Variants in PACSIN2 observed in about 807,000 individuals in gnomAD.
PACSIN2 encodes protein kinase C and casein kinase substrate in neurons protein 2.
PACSIN2 carries 25 observed loss-of-function variants against 63.8 expected under a neutral mutation model. The ratio of observed to expected loss-of-function variants is 0.39; its 90% CI spans 0.29 to 0.55. The LOEUF is 0.55. Ranked by LOEUF, PACSIN2 falls within the 20% of genes least tolerant of loss-of-function variation. PACSIN2 has a pLI of 0.62. For synonymous variants in PACSIN2, 255 were observed against 256.2 expected (o/e 1.00, Z 0.05); for missense variants, 518 against 646.9 (o/e 0.80, Z 2.16).
intron 1 of PACSIN2, among the ~76,000 whole-genome samples, chr22:42,984,169 G>A (rs146383299): frequency 2.6e-5 from 4 of 151,610 alleles, no homozygotes; most frequent in East Asian, 3.9e-4. Context: ...ACGGAGTTTC[G>A]CCATGTTGCT....
At chr22:42,879,320 G>A (rs1015057046) in intron 7 of PACSIN2, 151 bp from the exon 8 acceptor site, 11 of 793,808 alleles carry the variant, frequency 1.4e-5, no homozygotes, top group African/African-American at 1.1e-4. Context: ...TTTCCCAGAA[G>A]ACCTCAGGCT....
chr22:42,871,417 TC>T lies in PACSIN2; in HGVS notation c.1400del (p.Gly467AspfsTer115). The T allele has an allele frequency of 6.2e-7, 1 of 1,614,156 alleles. No individual in the cohort carries two copies. The highest frequency in any genetic ancestry group is 8.5e-7 in the Non-Finnish European group (1 of 1,180,010). ...GGCCAACTTGCCCGTTGTCCAAGCG[TC>T]CCTTGCACCAGCCCTGCTCATCCTC... Reference protein sequence around the residue: ...EDEDEQGWCKGRLDNGQVGLY... With the variant: ...EDEDEQGWCKXRLDNGQVGLY... On this transcript the variant is annotated frameshift_variant, in exon 11 of 11. Transcript: ENST00000263246. LOFTEE classifies it high-confidence loss of function. This position sits in a 1 kb window ranked among gnomAD's most constrained non-coding sequence, Gnocchi z 5.4.
At chr22:42,982,033 G>A (rs1390502662) in intron 1 of PACSIN2, among the ~76,000 whole-genome samples, 34 of 104,110 alleles carry the variant, frequency 3.3e-4, no homozygotes, top group African/African-American at 1.3e-3. Context: ...CGGCCGCCCC[G>A]TCCGGGAGGT....
chr22:42,975,362 T>C (rs572912901), intron 1 of PACSIN2, among the ~76,000 whole-genome samples: 8 of 151,824 alleles, frequency 5.3e-5, no homozygotes, highest in African/African-American at 1.7e-4. Context: ...CTCATGCCTA[T>C]AATCCCAGCA....
At chr22:42,997,758 A>G (rs573293433) in intron 1 of PACSIN2, among the ~76,000 whole-genome samples, 25 of 150,950 alleles carry the variant, frequency 1.7e-4, no homozygotes, top group African/African-American at 6.1e-4. Flanking sequence ...GGTCCCAGCT[A>G]TTACTTCACT....
chr22:42,952,620 G>T (rs1363431331), intron 1 of PACSIN2, among the ~76,000 whole-genome samples: 1 of 150,486 alleles, frequency 6.6e-6, no homozygotes, highest in African/African-American at 2.4e-5. Context: ...GCCTCCCAAA[G>T]TGCTGGGATT....
intron 2 of PACSIN2, among the ~76,000 whole-genome samples, chr22:42,899,027 G>A (rs560526582): frequency 3.3e-5 from 5 of 152,270 alleles, no homozygotes; most frequent in Admixed American, 2.0e-4. Flanking sequence ...TCACAAGGAC[G>A]CTGGAGAAGG....
chr22:42,975,961 G>A (rs1314963936), intron 1 of PACSIN2, among the ~76,000 whole-genome samples: 1 of 152,178 alleles, frequency 6.6e-6, no homozygotes, highest in Non-Finnish European at 1.5e-5. Context: ...CCAAAAGCGG[G>A]CCAATGCTGA....
In PACSIN2 at chr22:42,871,182, G is replaced by A. The variant is rs1221456983; in HGVS notation, c.*175C>T. On this transcript the variant is annotated 3_prime_UTR_variant, in exon 11 of 11. Transcript: ENST00000263246. The surrounding 1 kb of genome is among the most constrained non-coding windows in gnomAD (Gnocchi z 5.4). ...CGCTCAGATCCCTCCAGCTGCACTC[G>A]GAAAGGTGCCGAGTCCCAGGCGAAA... The A allele has an allele frequency of 4.9e-6, 3 of 618,010 alleles. No homozygotes were observed. Among genetic ancestry groups the A allele is most frequent in the Non-Finnish European group, 8.8e-6 (3 of 342,008 alleles). The allele number at this position is 618,010 out of a possible 1,614,324, so 38.3% of individuals were successfully genotyped here.
chr22:42,941,201 C>T (rs1451321265), intron 1 of PACSIN2, among the ~76,000 whole-genome samples: 1 of 136,148 alleles, frequency 7.3e-6, no homozygotes, highest in Non-Finnish European at 1.6e-5. Flanking sequence ...GTTCAAGGTT[C>T]GTCCACGTTG....
In PACSIN2 at chr22:42,884,519, C is replaced by A; in HGVS notation, c.652G>T (p.Gly218Cys). 1.2e-6 allele frequency: 2 copies of A among 1,614,120 alleles called. No individual in the cohort carries two copies. Among genetic ancestry groups the A allele is most frequent in the Non-Finnish European group, 1.7e-6 (2 of 1,179,994 alleles). Reference sequence around the variant, plus strand: ...ATGTTCTCCATGTACTGGGGTGTGCCCTGGTCGAGTTCCTTCAGGGACTTC... The same window carrying A: ...ATGTTCTCCATGTACTGGGGTGTGCACTGGTCGAGTTCCTTCAGGGACTTC... ...YEKSLKELDQ[G>C]TPQYMENMEQ... Residue 218 changes from glycine (G) to cysteine (C), a missense_variant, in exon 6 of 11, where the codon GGC (glycine) becomes TGC (cysteine). Coordinates refer to ENST00000263246, the MANE Select transcript of PACSIN2 (RefSeq NM_001184970.3).
chr22:42,973,373 G>A (rs551586309), intron 1 of PACSIN2, among the ~76,000 whole-genome samples: 1 of 152,240 alleles, frequency 6.6e-6, no homozygotes, highest in Admixed American at 6.5e-5. Flanking sequence ...GCAAAACACA[G>A]GTCAAAACTT....
intron 2 of PACSIN2, among the ~76,000 whole-genome samples, chr22:42,898,704 C>T (rs1222735027): frequency 6.6e-6 from 1 of 152,096 alleles, no homozygotes; most frequent in Non-Finnish European, 1.5e-5. Context: ...TCCCCGAGCC[C>T]AGGACTCGCC....
At chr22:42,894,827 C>G (rs1049776931) in intron 2 of PACSIN2, among the ~76,000 whole-genome samples, 1 of 152,194 alleles carries the variant, frequency 6.6e-6, no homozygotes, top group African/African-American at 2.4e-5. Flanking sequence ...TCTTTTCAGC[C>G]TTTTTCTCCC....
intron 2 of PACSIN2, among the ~76,000 whole-genome samples, chr22:42,897,137 G>A (rs1402663298): frequency 3.3e-5 from 5 of 152,076 alleles, no homozygotes; most frequent in East Asian, 1.9e-4. Flanking sequence ...GGGTTTTGCC[G>A]TGTTGCCTAG....
At chr22:42,932,211 T>A (rs1427122502) in intron 1 of PACSIN2, among the ~76,000 whole-genome samples, 1 of 152,196 alleles carries the variant, frequency 6.6e-6, no homozygotes, top group Admixed American at 6.5e-5. Flanking sequence ...CATCCCTGCC[T>A]CAGAGCCTTT....
chr22:42,870,909 A>G lies in PACSIN2; in HGVS notation c.*448T>C, dbSNP rs1286216536. 9 of 173,302 alleles carry G rather than the reference A, an allele frequency of 5.2e-5. No individual in the cohort carries two copies. The highest frequency in any genetic ancestry group is 8.8e-5 in the Non-Finnish European group (7 of 79,544). 10.7% of individuals were successfully genotyped at this position (173,302 alleles called of 1,614,324 possible). A position where few individuals can be genotyped will look rare whatever the true frequency, so the allele number is the denominator to read the frequency against. On this transcript the variant is annotated 3_prime_UTR_variant, in exon 11 of 11. Transcript: ENST00000263246. ...AAGTAGAAATGAACAGGTGTATAAAAAAGTATAACTGTACACAGCCTTTAA... is the reference window on the plus strand; with the variant it reads ...AAGTAGAAATGAACAGGTGTATAAAGAAGTATAACTGTACACAGCCTTTAA...
chr22:42,983,911 T>G (rs1922422685), intron 1 of PACSIN2, among the ~76,000 whole-genome samples: 2 of 151,708 alleles, frequency 1.3e-5, no homozygotes. Context: ...AATAAACTAG[T>G]GTAAACCTGG....
chr22:42,888,669 C>T lies in PACSIN2; in HGVS notation c.583G>A (p.Glu195Lys). The T allele has an allele frequency of 6.2e-7, 1 of 1,614,228 alleles. No homozygotes were observed. Among genetic ancestry groups the T allele is most frequent in the Non-Finnish European group, 8.5e-7 (1 of 1,180,030 alleles). Residue 195 changes from glutamate (E) to lysine (K), a missense_variant, in exon 5 of 11, where the codon GAA (glutamate) becomes AAA (lysine). By Grantham distance (56) the Glu-to-Lys change is moderately conservative. Around this residue, in one of 2 missense-constraint regions of PACSIN2, gnomAD observed 507 missense variants for 612.3 expected, o/e 0.83. Transcript: ENST00000263246. ...TTAAGAACATCTTGCTTGCACTTTT[C>T]TATTTTGTCTTGCAATTTCTTGAGC... Reference protein sequence around the residue: ...EQLKKLQDKIEKCKQDVLKTK... With the variant: ...EQLKKLQDKIKKCKQDVLKTK...
Sources: allele counts gnomAD v4.1 joint callset (sites outside exome capture counted in the v4.1 genomes callset), GRCh38; gene constraint gnomAD v4.1.1; regional missense constraint gnomAD v4.1.1; non-coding constraint Gnocchi (gnomAD v3.1); transcripts MANE v1.5; gene names NCBI Gene and HGNC (gene_info 2026-07-23, HGNC 2026-07-21).